Variants in PCDH9 observed in about 807,000 individuals in gnomAD.
PCDH9 encodes protocadherin 9, also known as protocadherin-9.
In PCDH9, 24 loss-of-function variants were observed where a neutral mutation model predicts 70.6. The ratio of observed to expected loss-of-function variants is 0.34; its 90% CI spans 0.25 to 0.48. The LOEUF (loss-of-function observed/expected upper bound fraction) is 0.48, where lower values mean the gene tolerates loss of function less well. Among genes scored for constraint, PCDH9 ranks in the 20% least tolerant of loss-of-function variants. PCDH9 has a pLI of 0.99. For synonymous variants in PCDH9, 562 were observed against 558.5 expected, an observed-to-expected ratio of 1.01 and a Z score of -0.09; for missense variants, 1,281 against 1,503.6, an observed-to-expected ratio of 0.85 and a Z score of 2.45.
At chr13:66,476,851 C>A (rs191299111) in intron 4 of PCDH9, among the ~76,000 whole-genome samples, 48 of 152,150 alleles carry the variant, frequency 3.2e-4, no homozygotes, top group Non-Finnish European at 4.4e-4. Context: ...GTTGCTTCAA[C>A]CCTCAGCTCA....
chr13:66,894,350 C>T (rs187679817), intron 3 of PCDH9, among the ~76,000 whole-genome samples: 10 of 152,066 alleles, frequency 6.6e-5, no homozygotes, highest in Admixed American at 5.9e-4. Context: ...ATTATGCTTC[C>T]TATTTGTAAA....
At chr13:66,669,020 G>A (rs560630570) in intron 3 of PCDH9, among the ~76,000 whole-genome samples, 2 of 152,164 alleles carry the variant, frequency 1.3e-5, no homozygotes, top group Non-Finnish European at 2.9e-5. Flanking sequence ...TTAATCTTAT[G>A]TTGCATTTGG....
chr13:66,808,243 T>C (rs1218102428), intron 3 of PCDH9, among the ~76,000 whole-genome samples: 1 of 152,198 alleles, frequency 6.6e-6, no homozygotes, highest in Non-Finnish European at 1.5e-5. Flanking sequence ...GATTTCTTTC[T>C]GTTATTGAAG....
At chr13:66,731,330 C>T (rs1407389728) in intron 3 of PCDH9, among the ~76,000 whole-genome samples, 1 of 152,036 alleles carries the variant, frequency 6.6e-6, no homozygotes, top group East Asian at 1.9e-4. Context: ...ATTTTGTATA[C>T]AATTTTTGCA....
At chr13:67,052,777 CGGT>C (rs2085346986) in intron 2 of PCDH9, among the ~76,000 whole-genome samples, 3 of 151,932 alleles carry the variant, frequency 2.0e-5, no homozygotes, top group Non-Finnish European at 2.9e-5. Flanking sequence ...ATTTATTCGA[CGGT>C]GGAGGCGGAA....
Position 66,757,791 on chromosome 13 carries a change from T to C in PCDH9, c.3139-126380A>G, listed in dbSNP as rs9571648. 4.5e-4 allele frequency among the ~76,000 whole-genome samples: 68 copies of C among 152,190 alleles called. No individual in the cohort carries two copies. The East Asian group carries it at 0.01, about 23-fold the overall frequency. On this transcript the variant is annotated intron_variant, in intron 3 of 4. Transcript: ENST00000377865. Reference sequence around the variant, plus strand: ...ATCTTATTATCAATTAAACCAAAGTTTGATGTAGACATAAAAGCACAGAAA... The same window carrying C: ...ATCTTATTATCAATTAAACCAAAGTCTGATGTAGACATAAAAGCACAGAAA...
At position 66,318,378 on chromosome 13, in the gene PCDH9, C is replaced by T. The variant is rs546404647; in HGVS notation, c.3341-13350G>A. On this transcript the variant is annotated intron_variant, in intron 4 of 4. Transcript: ENST00000377865. Reference sequence around the variant, plus strand: ...AGTTACTGTTTTATTAGTAGTGTGACGAGCAGTCCCAAATATTCAATAGAT... The same window carrying T: ...AGTTACTGTTTTATTAGTAGTGTGATGAGCAGTCCCAAATATTCAATAGAT... 9.9e-5 allele frequency among the ~76,000 whole-genome samples: 15 copies of T among 152,166 alleles called. No homozygotes were observed. The South Asian group carries it at 1.0e-3, about 11-fold the overall frequency.
chr13:67,139,603 A>C (rs945785778), intron 2 of PCDH9, among the ~76,000 whole-genome samples: 8 of 152,222 alleles, frequency 5.3e-5, no homozygotes, highest in Admixed American at 1.3e-4. Context: ...TACTACTATT[A>C]TACTAAATAT....
intron 2 of PCDH9, among the ~76,000 whole-genome samples, chr13:67,104,456 C>T (rs746662473): frequency 4.6e-5 from 7 of 152,170 alleles, no homozygotes; most frequent in Non-Finnish European, 8.8e-5. Flanking sequence ...TAGGTTTCAA[C>T]GTGTGGCTAT....
chr13:66,575,337 T>A (rs2076798977), intron 4 of PCDH9, among the ~76,000 whole-genome samples: 1 of 152,122 alleles, frequency 6.6e-6, no homozygotes, highest in Admixed American at 6.5e-5. Context: ...CCTACTTCAG[T>A]AAATAGCACC....
chr13:66,487,253 T>C (rs1293077676), intron 4 of PCDH9, among the ~76,000 whole-genome samples: 2 of 152,192 alleles, frequency 1.3e-5, no homozygotes, highest in African/African-American at 2.4e-5. Context: ...ATGAACTGAG[T>C]ATATGATTGA....
intron 3 of PCDH9, among the ~76,000 whole-genome samples, chr13:66,772,372 T>A (rs887472535): frequency 9.2e-5 from 14 of 152,226 alleles, no homozygotes; most frequent in Non-Finnish European, 1.6e-4. Context: ...TGCCACAATT[T>A]GTTTACATGC....
At chr13:66,743,379 GA>G (rs1398452693) in intron 3 of PCDH9, among the ~76,000 whole-genome samples, 5 of 141,630 alleles carry the variant, frequency 3.5e-5, no homozygotes, top group Non-Finnish European at 7.7e-5. Context: ...AGCATTGGGA[GA>G]TACACCTAAG....
At chr13:66,864,285 G>A (rs1368926760) in intron 3 of PCDH9, among the ~76,000 whole-genome samples, 2 of 152,038 alleles carry the variant, frequency 1.3e-5, no homozygotes, top group Non-Finnish European at 2.9e-5. Flanking sequence ...GGTCACAATG[G>A]CAATATTTCT....
chr13:67,225,305 G>T, intron 2 of PCDH9, 100 bp downstream of exon 2: 2 of 1,363,612 alleles, frequency 1.5e-6, no homozygotes, highest in Non-Finnish European at 1.0e-6. Context: ...TTCTAACTAA[G>T]CTAAAGTTAG....
At chr13:67,099,221 T>A (rs575643268) in intron 2 of PCDH9, among the ~76,000 whole-genome samples, 16 of 152,344 alleles carry the variant, frequency 1.1e-4, no homozygotes, top group African/African-American at 3.8e-4. Flanking sequence ...TCTTTTACCA[T>A]AGAAAAAATT....
intron 3 of PCDH9, among the ~76,000 whole-genome samples, chr13:66,832,086 A>C (rs965185588): frequency 1.3e-5 from 2 of 152,140 alleles, no homozygotes; most frequent in African/African-American, 4.8e-5. Flanking sequence ...GTAACTAATC[A>C]ACTACCTAAA....
chr13:66,378,533 GA>G (rs1220149019), intron 4 of PCDH9, among the ~76,000 whole-genome samples: 12 of 152,136 alleles, frequency 7.9e-5, no homozygotes, highest in Non-Finnish European at 1.8e-4. Context: ...TGAGAAACCT[GA>G]AAACCTGTTT....
At chr13:67,160,263 T>C (rs953308657) in intron 2 of PCDH9, among the ~76,000 whole-genome samples, 1 of 152,178 alleles carries the variant, frequency 6.6e-6, no homozygotes, top group Non-Finnish European at 1.5e-5. Flanking sequence ...AAACACAACC[T>C]GGCCGGGTGC....
Sources: allele counts gnomAD v4.1 joint callset (sites outside exome capture counted in the v4.1 genomes callset), GRCh38; gene constraint gnomAD v4.1.1; transcripts MANE v1.5; gene names NCBI Gene and HGNC (gene_info 2026-07-23, HGNC 2026-07-21).